Variants in JAM3 observed in about 807,000 individuals in gnomAD.
The protein encoded by JAM3 is junctional adhesion molecule C.
A neutral mutation model predicts 39.4 loss-of-function variants in JAM3; 31 were observed. The observed-to-expected ratio is 0.79, with a 90% CI of 0.59 to 1.06. The LOEUF (loss-of-function observed/expected upper bound fraction) is 1.06. Ranked by LOEUF, JAM3 falls within the 50% of genes least tolerant of loss-of-function variation. The pLI, the probability that JAM3 is intolerant of heterozygous loss-of-function variation, is 0.00. For missense variants in JAM3, 455 were observed against 391.4 expected, an observed-to-expected ratio of 1.16 and a Z score of -1.37; for synonymous variants, 182 against 148.7, an observed-to-expected ratio of 1.22 and a Z score of -1.63.
At chr11:134,148,993 C>CACA (rs1182983097) in intron 8 of JAM3, among the ~76,000 whole-genome samples, 153 bp from the exon 9 acceptor site, 1 of 148,884 alleles carries the variant, frequency 6.7e-6, no homozygotes, top group African/African-American at 2.5e-5. Context: ...CACACACACA[C>CACA]ACTAATGGGA....
rs571560053 is a variant in JAM3, at chr11:134,115,701, A to C, written c.77-24150A>C. On this transcript the variant is annotated intron_variant, in intron 1 of 8. Coordinates refer to ENST00000299106, the MANE Select transcript of JAM3 (RefSeq NM_032801.5). The stretch of plus-strand genomic sequence containing the variant: ...AAGATTACTTGAGCCCAGGAGTTTG[A>C]GACCAGCCTGGGTAACATGTGAGAT... Among the ~76,000 whole-genome samples, 204 of 152,122 alleles carry C rather than the reference A, an allele frequency of 1.3e-3. 1 individual carries two copies. The highest frequency in any genetic ancestry group is 4.8e-3 in the African/African-American group (199 of 41,486).
rs552175700 is a variant in JAM3 at position 134,149,580 on chromosome 11, G to A, written c.*399G>A. The A allele has an allele frequency of 1.9e-5, 9 of 473,448 alleles. No homozygotes were observed. Among genetic ancestry groups the A allele is most frequent in the East Asian group, 1.3e-4 (2 of 15,678 alleles). The allele number at this position is 473,448 out of a possible 1,614,324, so 29.3% of individuals were successfully genotyped here. The stretch of plus-strand genomic sequence containing the variant: ...CCACGACAGCACCATGTGAGATGGC[G>A]AGGTGGCTGGACAGCACCAGCAGCG... On this transcript the variant is annotated 3_prime_UTR_variant, in exon 9 of 9. Transcript: ENST00000299106.
intron 1 of JAM3, among the ~76,000 whole-genome samples, chr11:134,088,382 G>A (rs1209210126): frequency 6.7e-6 from 1 of 149,112 alleles, no homozygotes; most frequent in African/African-American, 2.5e-5. Context: ...CTTACGAAAT[G>A]CTTGGGCAAC....
intron 1 of JAM3, among the ~76,000 whole-genome samples, chr11:134,105,084 C>T (rs1191620123): frequency 2.6e-5 from 4 of 152,176 alleles, no homozygotes; most frequent in Admixed American, 2.6e-4. Flanking sequence ...CCCTGATCAA[C>T]ATCGATGCAA....
intron 1 of JAM3, among the ~76,000 whole-genome samples, chr11:134,129,250 G>A (rs1340359092): frequency 1.3e-5 from 2 of 151,816 alleles, no homozygotes; most frequent in East Asian, 3.9e-4. Context: ...CCAAGTAGAT[G>A]GGACTATAGG....
intron 1 of JAM3, among the ~76,000 whole-genome samples, chr11:134,080,398 TC>T (rs548712423): frequency 5.3e-5 from 8 of 152,202 alleles, no homozygotes; most frequent in Non-Finnish European, 1.0e-4. Context: ...TGGCTCTGTG[TC>T]CCCACCCAAA....
intron 1 of JAM3, among the ~76,000 whole-genome samples, chr11:134,133,239 C>G (rs138935236): frequency 2.6e-5 from 4 of 152,272 alleles, no homozygotes; most frequent in African/African-American, 9.6e-5. Flanking sequence ...CAGCTACAAA[C>G]AGAGATAATT....
chr11:134,101,773 C>T (rs763900755), intron 1 of JAM3, among the ~76,000 whole-genome samples: 4 of 152,072 alleles, frequency 2.6e-5, no homozygotes, highest in Non-Finnish European at 5.9e-5. Context: ...TTTATAAGTC[C>T]TTTATGTGTG....
intron 2 of JAM3, among the ~76,000 whole-genome samples, chr11:134,140,433 G>A (rs1942953275): frequency 6.6e-6 from 1 of 152,152 alleles, no homozygotes; most frequent in Non-Finnish European, 1.5e-5. Context: ...TATACAAGCA[G>A]GGTGTTTAAG....
chr11:134,107,769 A>C (rs1399056702), intron 1 of JAM3, among the ~76,000 whole-genome samples: 1 of 152,114 alleles, frequency 6.6e-6, no homozygotes, highest in African/African-American at 2.4e-5. Context: ...ACATCGGGGC[A>C]GGAGAATTGC....
chr11:134,142,696 G>C (rs947562828), intron 3 of JAM3, among the ~76,000 whole-genome samples: 2 of 152,018 alleles, frequency 1.3e-5, no homozygotes, highest in Non-Finnish European at 2.9e-5. Context: ...ACTCACAGTT[G>C]TGCAACCATC....
At chr11:134,099,882 G>A (rs1942044153) in intron 1 of JAM3, among the ~76,000 whole-genome samples, 1 of 152,216 alleles carries the variant, frequency 6.6e-6, no homozygotes, top group East Asian at 1.9e-4. Flanking sequence ...TGGGATTACA[G>A]GCGTGAGCCA....
intron 1 of JAM3, among the ~76,000 whole-genome samples, chr11:134,073,429 A>G (rs903178398): frequency 1.3e-5 from 2 of 152,168 alleles, no homozygotes; most frequent in Admixed American, 6.5e-5. Context: ...CAAGGTTTCT[A>G]TGGTTCAGCC....
At chr11:134,129,863 G>A (rs551174528) in intron 1 of JAM3, among the ~76,000 whole-genome samples, 33 of 152,184 alleles carry the variant, frequency 2.2e-4, no homozygotes, top group African/African-American at 6.7e-4. Flanking sequence ...TTAGCCGGGC[G>A]TGGTGGCAGG....
chr11:134,133,265 C>A (rs890676298), intron 1 of JAM3, among the ~76,000 whole-genome samples: 1 of 152,122 alleles, frequency 6.6e-6, no homozygotes, highest in African/African-American at 2.4e-5. Flanking sequence ...ACTTCCTTTC[C>A]AACTTCGATT....
intron 1 of JAM3, among the ~76,000 whole-genome samples, chr11:134,111,180 G>C (rs1267813): frequency 0.42 from 53,655 of 128,056 alleles, 11,392 homozygotes; most frequent in African/African-American, 0.6. Context: ...GTCTCACTCT[G>C]TCGCCCAGGC....
intron 1 of JAM3, among the ~76,000 whole-genome samples, chr11:134,107,447 G>A (rs767823244): frequency 1.3e-4 from 20 of 151,934 alleles, no homozygotes; most frequent in Non-Finnish European, 2.2e-4. Flanking sequence ...AAACCTGCAC[G>A]TTGTACAGAT....
intron 1 of JAM3, among the ~76,000 whole-genome samples, chr11:134,088,500 G>GA (rs1941782923): frequency 6.6e-6 from 1 of 151,616 alleles, no homozygotes; most frequent in South Asian, 2.1e-4. Flanking sequence ...ATTCTTTAAG[G>GA]AAAAAACGGA....
chr11:134,147,873 G>C (rs1591810262), intron 6 of JAM3: 1 of 153,358 alleles, frequency 6.5e-6, no homozygotes, highest in East Asian at 1.9e-4. Flanking sequence ...AAGTTACTTG[G>C]CTCTTGTTGA....
Sources: allele counts gnomAD v4.1 joint callset (sites outside exome capture counted in the v4.1 genomes callset), GRCh38; gene constraint gnomAD v4.1.1; transcripts MANE v1.5; gene names NCBI Gene and HGNC (gene_info 2026-07-23, HGNC 2026-07-21).